The following GPHN variants were observed in gnomAD, a reference collection of about 807,000 sequenced individuals.
GPHN encodes the protein gephyrin.
Under a neutral mutation model 95.5 loss-of-function variants are expected in GPHN, and 17 were observed. The ratio of observed to expected loss-of-function variants is 0.18; its 90% CI spans 0.12 to 0.27. The LOEUF is 0.27. Among genes scored for constraint, GPHN ranks in the 10% least tolerant of loss-of-function variants. The probability of loss-of-function intolerance (pLI) is 1.00; values close to 1 mark genes in which losing one functional copy is unlikely to be tolerated. For missense variants in GPHN, 660 were observed against 978.1 expected (o/e 0.67, Z 4.34); for synonymous variants, 320 against 322.5 (o/e 0.99, Z 0.08).
the GPHN span, among the ~76,000 whole-genome samples, chr14:67,363,452 A>G: frequency 6.6e-6 from 1 of 152,124 alleles, no homozygotes; most frequent in Non-Finnish European, 1.5e-5. Flanking sequence ...ATATATATTA[A>G]TGTTGCTTTT....
chr14:67,485,323 C>G, the GPHN span, among the ~76,000 whole-genome samples: 22 of 152,352 alleles, frequency 1.4e-4, no homozygotes, highest in African/African-American at 5.3e-4. Context: ...TACAAATCAA[C>G]TCAAGAACAC....
At chr14:66,745,830 A>T (rs2058125689) in intron 2 of GPHN, among the ~76,000 whole-genome samples, 1 of 152,102 alleles carries the variant, frequency 6.6e-6, no homozygotes, top group East Asian at 1.9e-4. Flanking sequence ...ATAATACAGT[A>T]AAAAACCCTT....
At chr14:67,395,099 G>A in the GPHN span, among the ~76,000 whole-genome samples, 1 of 152,256 alleles carries the variant, frequency 6.6e-6, no homozygotes, top group East Asian at 1.9e-4. Flanking sequence ...CGAGATTTTG[G>A]GGGAGCTGTG....
the GPHN span, among the ~76,000 whole-genome samples, chr14:67,566,379 G>A: frequency 5.9e-5 from 9 of 152,186 alleles, no homozygotes; most frequent in African/African-American, 2.2e-4. Flanking sequence ...GGAATGTGCA[G>A]CTGCTACCAG....
chr14:66,933,712 A>G (rs994788888), intron 8 of GPHN, among the ~76,000 whole-genome samples: 1 of 152,180 alleles, frequency 6.6e-6, no homozygotes, highest in African/African-American at 2.4e-5. Flanking sequence ...ACAGGAGATG[A>G]CATATATGAG....
intron 2 of GPHN, among the ~76,000 whole-genome samples, chr14:66,759,343 A>T (rs927568626): frequency 6.6e-6 from 1 of 152,180 alleles, no homozygotes; most frequent in African/African-American, 2.4e-5. Context: ...AGTTTTCCCA[A>T]GGGGCTCTGC....
At chr14:67,059,300 A>G (rs1478530759) in intron 11 of GPHN, among the ~76,000 whole-genome samples, 1 of 152,196 alleles carries the variant, frequency 6.6e-6, no homozygotes, top group East Asian at 1.9e-4. Context: ...TTTTGTTTTT[A>G]ATTAACAACT....
chr14:66,596,910 G>A (rs1017520471), intron 1 of GPHN, among the ~76,000 whole-genome samples: 2 of 152,226 alleles, frequency 1.3e-5, no homozygotes, highest in Admixed American at 6.5e-5. Context: ...CACTGCATCT[G>A]GTGTCATTGA....
At chr14:67,056,910 G>T (rs967186523) in intron 10 of GPHN, among the ~76,000 whole-genome samples, 1 of 152,204 alleles carries the variant, frequency 6.6e-6, no homozygotes, top group Non-Finnish European at 1.5e-5. Flanking sequence ...GCGCTCGCGG[G>T]TCGGCAATGC....
chr14:66,721,975 A>G (rs894436348), intron 2 of GPHN, among the ~76,000 whole-genome samples: 3 of 150,942 alleles, frequency 2.0e-5, no homozygotes, highest in African/African-American at 7.3e-5. Context: ...AAAAAAAGGA[A>G]AAAAAAGAAT....
chr14:67,691,998 G>C, the GPHN span: 2 of 155,780 alleles, frequency 1.3e-5, no homozygotes, highest in Admixed American at 6.3e-5. Flanking sequence ...AAACTTCTTT[G>C]TCATGTCTCT....
At chr14:66,545,399 C>T (rs1180114176) in intron 1 of GPHN, among the ~76,000 whole-genome samples, 3 of 139,462 alleles carry the variant, frequency 2.2e-5, no homozygotes, top group Non-Finnish European at 3.1e-5. Context: ...CCCCCCACCT[C>T]CCTCCCGGAT....
the GPHN span, chr14:67,397,897 C>T: frequency 2.3e-6 from 3 of 1,295,178 alleles, no homozygotes; most frequent in Non-Finnish European, 3.2e-6. Context: ...GAGGGGGTGT[C>T]TGGTGGCACA....
chr14:66,639,121 A>AATATATATATATATATATAT lies in GPHN; in HGVS notation c.65-41970_65-41969insATATATATATATATATATAT, dbSNP rs4058479. Among the ~76,000 whole-genome samples the AATATATATATATATATATAT allele has an allele frequency of 4.5e-3, 664 of 145,974 alleles. 6 individuals are homozygous for AATATATATATATATATATAT. Among genetic ancestry groups the AATATATATATATATATATAT allele is most frequent in the African/African-American group, 0.011 (428 of 38,392 alleles). On this transcript the variant is annotated intron_variant, in intron 1 of 22. Transcript: ENST00000478722. ...CCTAAGTGGACAAATACTGAAGGTA[A>AATATATATATATATATATAT]ATATATATATATATATGCATAGGTG...
intron 1 of GPHN, among the ~76,000 whole-genome samples, chr14:66,668,273 C>T (rs1316037691): frequency 6.6e-6 from 1 of 152,154 alleles, no homozygotes; most frequent in Non-Finnish European, 1.5e-5. Context: ...CCAGCAATCC[C>T]ATTACTGGGT....
the GPHN span, chr14:67,691,563 A>G: frequency 8.8e-6 from 2 of 228,380 alleles, no homozygotes; most frequent in African/African-American, 2.3e-5. Flanking sequence ...GCTGAATGGA[A>G]AGATTCCAAA....
chr14:67,124,951 G>A (rs1196049631), intron 17 of GPHN, among the ~76,000 whole-genome samples: 1 of 151,906 alleles, frequency 6.6e-6, no homozygotes, highest in Non-Finnish European at 1.5e-5. Flanking sequence ...GTTAATTTGT[G>A]GTGGACATTT....
At chr14:67,168,342 T>C (rs1011142208) in intron 20 of GPHN, among the ~76,000 whole-genome samples, 1 of 152,184 alleles carries the variant, frequency 6.6e-6, no homozygotes, top group African/African-American at 2.4e-5. Context: ...AGGCCCTATC[T>C]CCAAATATAG....
chr14:66,663,860 C>T (rs1043119374), intron 1 of GPHN, among the ~76,000 whole-genome samples: 6 of 152,066 alleles, frequency 3.9e-5, no homozygotes, highest in African/African-American at 1.5e-4. Context: ...CTTTAACCAA[C>T]AAAGATCAAT....
Sources: gnomAD v4.1 joint callset for allele counts (sites outside exome capture counted in the v4.1 genomes callset) on GRCh38, gnomAD v4.1.1 for gene constraint, MANE v1.5 for transcripts, NCBI Gene and HGNC (gene_info 2026-07-23, HGNC 2026-07-21) for gene names.